Variants in SMAD6 observed in about 807,000 individuals in gnomAD.
The protein encoded by SMAD6 is SMAD family member 6.
SMAD6 carries 103 observed loss-of-function variants against 39.4 expected under a neutral mutation model. That is an observed-to-expected ratio of 2.62 (90% CI 2.23 to 3.08). The LOEUF is 3.08. Ranked by LOEUF, SMAD6 falls within the 30% of genes most tolerant of loss-of-function variation. SMAD6 has a pLI of 0.00. For missense variants in SMAD6, 1,104 were observed against 742.9 expected (o/e 1.49, Z -5.65); for synonymous variants, 445 against 353.3 (o/e 1.26, Z -2.91).
chr15:66,729,608 C>A (rs1311812826), intron 3 of SMAD6, among the ~76,000 whole-genome samples: 1 of 152,238 alleles, frequency 6.6e-6, no homozygotes, highest in East Asian at 1.9e-4. Flanking sequence ...GAGGGGGCGC[C>A]GGGCCCCTCT....
chr15:66,730,408 A>G (rs1893606695), intron 3 of SMAD6, among the ~76,000 whole-genome samples: 2 of 152,188 alleles, frequency 1.3e-5, no homozygotes, highest in Admixed American at 1.3e-4. Context: ...CTGAACCTTC[A>G]GTGGCTTTCA....
At position 66,722,252 on chromosome 15, in the gene SMAD6, C is replaced by T. The variant is rs540503433; in HGVS notation, c.952+5754C>T. On this transcript the variant is annotated intron_variant, in intron 3 of 3. Transcript: ENST00000288840. ...CACATGACGATGCTCAAGCCTGTCA[C>T]GTGAGAGTGCTCATTGCCTGTGGGT... is the stretch of plus-strand genomic sequence containing the variant. 3.0e-4 allele frequency among the ~76,000 whole-genome samples: 46 copies of T among 152,352 alleles called. 1 individual carries two copies. In the South Asian group the frequency reaches 9.3e-3, roughly 31 times the overall value.
At chr15:66,705,752 C>G (rs564055878) in intron 1 of SMAD6, 3 of 152,734 alleles carry the variant, frequency 2.0e-5, no homozygotes, top group African/African-American at 7.2e-5. Flanking sequence ...AAACATAATC[C>G]CACCAGGGAT....
chr15:66,769,098 T>C (rs1323145788), intron 3 of SMAD6, among the ~76,000 whole-genome samples: 3 of 152,212 alleles, frequency 2.0e-5, no homozygotes, highest in Admixed American at 6.5e-5. Flanking sequence ...AAGAAACTCC[T>C]GGTCATCGAG....
chr15:66,717,304 C>G, intron 3 of SMAD6: 5 of 466,874 alleles, frequency 1.1e-5, no homozygotes, highest in African/African-American at 4.0e-5. Flanking sequence ...CTGTGTGTCT[C>G]CATCTGAGAC....
chr15:66,708,917 C>T (rs1893174506), intron 1 of SMAD6, among the ~76,000 whole-genome samples: 1 of 152,234 alleles, frequency 6.6e-6, no homozygotes, highest in East Asian at 1.9e-4. Context: ...AAGGATGAAT[C>T]TTAGGGTATG....
At chr15:66,739,247 C>T (rs1394552017) in intron 3 of SMAD6, among the ~76,000 whole-genome samples, 1 of 152,152 alleles carries the variant, frequency 6.6e-6, no homozygotes, top group African/African-American at 2.4e-5. Flanking sequence ...CCTGCCATCA[C>T]GCCTGGCTAA....
intron 3 of SMAD6, among the ~76,000 whole-genome samples, chr15:66,767,959 C>CTTTTTT (rs71142337): frequency 3.3e-5 from 2 of 60,252 alleles, no homozygotes; most frequent in African/African-American, 6.8e-5. Flanking sequence ...CAAGCTGCAT[C>CTTTTTT]TTTTTTTTTT....
chr15:66,735,823 T>C lies in SMAD6; in HGVS notation c.952+19325T>C, dbSNP rs958583592. 1.6e-4 allele frequency among the ~76,000 whole-genome samples: 24 copies of C among 152,210 alleles called. No individual in the cohort carries two copies. The East Asian group carries it at 1.9e-3, about 12-fold the overall frequency. The stretch of plus-strand genomic sequence containing the variant: ...CACACACACATACACACACCCCACA[T>C]TGGAGGGAGGCATCATTGCCTGACC... On this transcript the variant is annotated intron_variant, in intron 3 of 3. Coordinates refer to ENST00000288840, the MANE Select transcript of SMAD6 (RefSeq NM_005585.5).
At chr15:66,712,126 A>G (rs1261150627) in intron 2 of SMAD6, among the ~76,000 whole-genome samples, 1 of 152,186 alleles carries the variant, frequency 6.6e-6, no homozygotes, top group Non-Finnish European at 1.5e-5. Context: ...TAGTATGACA[A>G]ATAGGTTGGG....
intron 3 of SMAD6, among the ~76,000 whole-genome samples, chr15:66,730,181 G>A (rs1011722843): frequency 2.0e-5 from 3 of 152,228 alleles, no homozygotes; most frequent in Non-Finnish European, 4.4e-5. Flanking sequence ...GAAATGCCAA[G>A]GATGCGGATT....
intron 3 of SMAD6, chr15:66,741,236 A>C (rs983116445): frequency 1.3e-5 from 2 of 152,270 alleles, no homozygotes; most frequent in Non-Finnish European, 2.9e-5. Flanking sequence ...CAGGGCAACC[A>C]GACAAGAAAG....
At chr15:66,749,235 G>A (rs1461438664) in intron 3 of SMAD6, among the ~76,000 whole-genome samples, 5 of 152,120 alleles carry the variant, frequency 3.3e-5, no homozygotes, top group African/African-American at 9.7e-5. Context: ...CAAGGCAGGC[G>A]GATCATGAGG....
intron 3 of SMAD6, among the ~76,000 whole-genome samples, chr15:66,728,291 C>G (rs192474718): frequency 6.6e-5 from 10 of 152,176 alleles, no homozygotes; most frequent in Non-Finnish European, 1.3e-4. Flanking sequence ...CTAACCCCAT[C>G]GTGTAGTTTT....
intron 3 of SMAD6, among the ~76,000 whole-genome samples, chr15:66,729,254 C>G (rs891507218): frequency 6.6e-6 from 1 of 152,182 alleles, no homozygotes; most frequent in Non-Finnish European, 1.5e-5. Context: ...CTGCATCCCC[C>G]GGCACCCCTG....
rs754680878 is a variant in SMAD6, at chr15:66,711,729, G to C, written c.874+5G>C. 5.0e-6 allele frequency: 8 copies of C among 1,612,282 alleles called. No homozygotes were observed. Among genetic ancestry groups the C allele is most frequent in the East Asian group, 2.2e-5 (1 of 44,870 alleles). The stretch of plus-strand genomic sequence containing the variant: ...GCGACGAGTACAAGCCACTGGGTAA[G>C]TGTGCCCTCCTTCCTACCCTTGCAG... On this transcript the variant is annotated splice_donor_5th_base_variant and intron_variant, in intron 2 of 3. Coordinates refer to ENST00000288840, the MANE Select transcript of SMAD6 (RefSeq NM_005585.5).
chr15:66,754,608 G>GT (rs1894065643), intron 3 of SMAD6, among the ~76,000 whole-genome samples: 1 of 152,184 alleles, frequency 6.6e-6, no homozygotes, highest in African/African-American at 2.4e-5. Context: ...GCTGGGCTTT[G>GT]TAGGGTTATG....
chr15:66,769,529 C>T (rs1271816532), intron 3 of SMAD6, among the ~76,000 whole-genome samples: 1 of 152,116 alleles, frequency 6.6e-6, no homozygotes, highest in African/African-American at 2.4e-5. Flanking sequence ...AGCTAAGCGG[C>T]CTGGTGGCAG....
chr15:66,746,512 G>T (rs1055103054), intron 3 of SMAD6, among the ~76,000 whole-genome samples: 2 of 152,066 alleles, frequency 1.3e-5, no homozygotes, highest in African/African-American at 2.4e-5. Context: ...CTCTAGGGGG[G>T]TGGGGGGTCC....
Sources: allele counts gnomAD v4.1 joint callset (sites outside exome capture counted in the v4.1 genomes callset), GRCh38; gene constraint gnomAD v4.1.1; transcripts MANE v1.5; gene names NCBI Gene and HGNC (gene_info 2026-07-23, HGNC 2026-07-21).